TRDN: variants seen among roughly 807,000 people sequenced by gnomAD.
TRDN encodes triadin.
A neutral mutation model predicts 149.7 loss-of-function variants in TRDN; 161 were observed. The observed-to-expected ratio is 1.08, with a 90% CI of 0.95 to 1.23. The LOEUF (loss-of-function observed/expected upper bound fraction) is 1.23. Among genes scored for constraint, TRDN ranks in the 50% most tolerant of loss-of-function variants. The pLI is 0.00. For missense variants in TRDN, 896 were observed against 823.5 expected (o/e 1.09, Z -1.08); for synonymous variants, 294 against 250.5 (o/e 1.17, Z -1.64).
At chr6:123,513,723 G>A (rs1257548416) in intron 6 of TRDN, among the ~76,000 whole-genome samples, 5 of 151,974 alleles carry the variant, frequency 3.3e-5, no homozygotes, top group African/African-American at 1.2e-4. Context: ...TTTTCTGTAG[G>A]TTATTGGGGT....
At chr6:123,339,136 C>A (rs2114740650) in intron 21 of TRDN, among the ~76,000 whole-genome samples, 1 of 152,074 alleles carries the variant, frequency 6.6e-6, no homozygotes, top group African/African-American at 2.4e-5. Context: ...TCCCAAGTAG[C>A]TGGGATTACA....
intron 38 of TRDN, among the ~76,000 whole-genome samples, chr6:123,243,732 C>A (rs1776072663): frequency 6.6e-6 from 1 of 151,900 alleles, no homozygotes; most frequent in Non-Finnish European, 1.5e-5. Flanking sequence ...GAAAACAGGT[C>A]TTTGGAAATA....
At chr6:123,491,510 T>C (rs1778215452) in intron 9 of TRDN, among the ~76,000 whole-genome samples, 1 of 152,188 alleles carries the variant, frequency 6.6e-6, no homozygotes, top group Non-Finnish European at 1.5e-5. Context: ...CCTTTATTTC[T>C]ACTCCTGTAA....
intron 24 of TRDN, among the ~76,000 whole-genome samples, chr6:123,287,904 TG>T (rs1335209545): frequency 6.6e-6 from 1 of 152,092 alleles, no homozygotes; most frequent in Non-Finnish European, 1.5e-5. Flanking sequence ...CACCCATATA[TG>T]TTTATTGTAA....
chr6:123,336,492 T>C (rs1779874800), intron 22 of TRDN, among the ~76,000 whole-genome samples: 1 of 152,022 alleles, frequency 6.6e-6, no homozygotes, highest in South Asian at 2.1e-4. Context: ...ACATTTCATA[T>C]TATTTCTCCA....
At chr6:123,322,460 A>C (rs1339320866) in intron 23 of TRDN, among the ~76,000 whole-genome samples, 1 of 152,100 alleles carries the variant, frequency 6.6e-6, no homozygotes, top group African/African-American at 2.4e-5. Context: ...GGCTAGAATT[A>C]GACTAAATGA....
At chr6:123,529,541 G>T (rs1780125010) in intron 5 of TRDN, 1 of 582,378 alleles carries the variant, frequency 1.7e-6, no homozygotes, top group East Asian at 3.3e-5. Context: ...GCAACAACAT[G>T]GCATTGTATT....
At chr6:123,636,709 T>A (rs1186474011) in intron 1 of TRDN, 45 bp downstream of exon 1, 1 of 1,607,566 alleles carries the variant, frequency 6.2e-7, no homozygotes, top group Non-Finnish European at 8.5e-7. Context: ...TCGATTTGCA[T>A]ATTTTTTTTC....
chr6:123,524,949 G>A (rs1779873958), intron 5 of TRDN, among the ~76,000 whole-genome samples: 1 of 152,070 alleles, frequency 6.6e-6, no homozygotes, highest in Non-Finnish European at 1.5e-5. Context: ...TCACAAACAT[G>A]AAAAATTGCT....
At chr6:123,227,703 C>A (rs1436792972) in intron 38 of TRDN, among the ~76,000 whole-genome samples, 1 of 151,542 alleles carries the variant, frequency 6.6e-6, no homozygotes, top group Non-Finnish European at 1.5e-5. Flanking sequence ...GAACAACAAC[C>A]ATATGAGGCA....
At position 123,524,814 on chromosome 6, in the gene TRDN, A is replaced by G. The variant is rs1292714425; in HGVS notation, c.484+5692T>C. Among the ~76,000 whole-genome samples, 7 of 152,142 alleles carry G rather than the reference A, an allele frequency of 4.6e-5. No individual in the cohort carries two copies. In the South Asian group the frequency reaches 6.2e-4, roughly 13 times the overall value. On this transcript the variant is annotated intron_variant, in intron 5 of 40. Coordinates refer to ENST00000334268, the MANE Select transcript of TRDN (RefSeq NM_006073.4). ...AGTAACTTTACATCTTACTTTTGCT[A>G]TGCTGATACCTGAAGATATACAAAA... is the stretch of plus-strand genomic sequence containing the variant.
At chr6:123,224,608 T>TG (rs1775287840) in intron 38 of TRDN, among the ~76,000 whole-genome samples, 1 of 151,772 alleles carries the variant, frequency 6.6e-6, no homozygotes, top group Admixed American at 6.6e-5. Context: ...CCCATGCACA[T>TG]ACATGAGTCA....
chr6:123,377,654 C>G, intron 18 of TRDN, 62 bp downstream of exon 18: 1 of 1,595,416 alleles, frequency 6.3e-7, no homozygotes, highest in Non-Finnish European at 8.6e-7. Context: ...CTGTTTGAGG[C>G]TACAGCATTA....
At chr6:123,469,559 AACAGACATCCTTAT>A (rs1777032609) in intron 9 of TRDN, 1 of 152,222 alleles carries the variant, frequency 6.6e-6, no homozygotes, top group African/African-American at 2.4e-5. Flanking sequence ...TTTTACTTCA[AACAGACATCCTTAT>A]ACCTTCCATT....
At chr6:123,325,795 G>A (rs1244550364) in intron 23 of TRDN, among the ~76,000 whole-genome samples, 2 of 152,034 alleles carry the variant, frequency 1.3e-5, no homozygotes, top group African/African-American at 4.8e-5. Flanking sequence ...TATTCTGAAA[G>A]GTGCCTTTTG....
In TRDN at chr6:123,503,899, G is replaced by A. The variant is rs397515458; in HGVS notation, c.613C>T (p.Gln205Ter). The change falls in exon 8 of 41, where the codon CAG (glutamine) becomes TAG (stop). Residue 205 changes from glutamine (Q) to a stop codon, truncating the protein, a stop_gained and splice_region_variant. Coordinates refer to ENST00000334268, the MANE Select transcript of TRDN (RefSeq NM_006073.4). LOFTEE classifies it high-confidence loss of function. ...KPETKTLAKE[Q>*]KKAKTAEKSE... ...TTTTCTGCAGTCTTAGCTTTCTTCT[G>A]TTCTGTATAAAGTTAAAAGATGTTG... 4.2e-5 allele frequency: 65 copies of A among 1,553,472 alleles called. No individual in the cohort carries two copies. Among genetic ancestry groups the A allele is most frequent in the African/African-American group, 5.5e-5 (4 of 72,856 alleles).
At chr6:123,327,923 A>G (rs1779520022) in intron 23 of TRDN, among the ~76,000 whole-genome samples, 2 of 152,246 alleles carry the variant, frequency 1.3e-5, no homozygotes, top group African/African-American at 2.4e-5. Context: ...GTAATGCTAT[A>G]TAAATGCATA....
At chr6:123,388,431 G>A (rs1267552638) in intron 14 of TRDN, 91 bp downstream of exon 14, 3 of 1,389,850 alleles carry the variant, frequency 2.2e-6, no homozygotes, top group African/African-American at 2.9e-5. Flanking sequence ...TATCCAAGGG[G>A]AATATAGACA....
intron 9 of TRDN, among the ~76,000 whole-genome samples, chr6:123,481,483 C>T (rs1207539620): frequency 6.6e-6 from 1 of 151,316 alleles, no homozygotes; most frequent in Admixed American, 6.6e-5. Flanking sequence ...TGTAATCCTC[C>T]CTAAGTCCTG....
Sources: gnomAD v4.1 joint callset for allele counts (sites outside exome capture counted in the v4.1 genomes callset) on GRCh38, gnomAD v4.1.1 for gene constraint, MANE v1.5 for transcripts, NCBI Gene and HGNC (gene_info 2026-07-23, HGNC 2026-07-21) for gene names.